The following GHR variants were observed in gnomAD, a reference collection of about 807,000 sequenced individuals.
GHR encodes the protein GH receptor.
Under a neutral mutation model 67.1 loss-of-function variants are expected in GHR, and 35 were observed. The ratio of observed to expected loss-of-function variants is 0.52; its 90% CI spans 0.40 to 0.69. GHR has a LOEUF of 0.69. Ranked by LOEUF, GHR falls within the 30% of genes least tolerant of loss-of-function variation. GHR has a pLI of 0.00. For missense variants in GHR, 792 were observed against 764.6 expected (o/e 1.04, Z -0.42); for synonymous variants, 272 against 269.1 (o/e 1.01, Z -0.10).
At chr5:42,474,700 T>C (rs1341046437) in intron 1 of GHR, among the ~76,000 whole-genome samples, 1 of 152,094 alleles carries the variant, frequency 6.6e-6, no homozygotes, top group Non-Finnish European at 1.5e-5. Flanking sequence ...ATTTTGATAA[T>C]ATGTACTCTA....
intron 2 of GHR, among the ~76,000 whole-genome samples, chr5:42,621,159 G>A (rs1361248330): frequency 6.6e-6 from 1 of 152,046 alleles, no homozygotes; most frequent in East Asian, 1.9e-4. Context: ...GTGGCTAGCT[G>A]GGCAGGATGT....
intron 1 of GHR, chr5:42,548,403 G>A (rs1467199684): frequency 5.1e-6 from 5 of 985,010 alleles, no homozygotes; most frequent in African/African-American, 1.7e-5. Context: ...AACCAAATCA[G>A]TGTGATGTGA....
chr5:42,534,106 G>GTATGTATATATGTATGTATATATGTACA (rs1748104570), intron 1 of GHR, among the ~76,000 whole-genome samples: 1 of 145,856 alleles, frequency 6.9e-6, no homozygotes, highest in African/African-American at 2.5e-5. Context: ...ATATATGTAC[G>GTATGTATATATGTATGTATATATGTACA]TATGTATATA....
intron 6 of GHR, among the ~76,000 whole-genome samples, chr5:42,706,919 G>A (rs1310471569): frequency 3.3e-5 from 5 of 152,022 alleles, no homozygotes. Flanking sequence ...CTAAATCTGT[G>A]AAAAATTACA....
intron 8 of GHR, among the ~76,000 whole-genome samples, chr5:42,716,260 A>G (rs1292416117): frequency 6.6e-6 from 1 of 152,036 alleles, no homozygotes; most frequent in Non-Finnish European, 1.5e-5. Flanking sequence ...TTGAGCCCCA[A>G]CTGTGCCAAC....
chr5:42,514,864 C>T (rs927769176), intron 1 of GHR: 3 of 152,154 alleles, frequency 2.0e-5, no homozygotes, highest in Non-Finnish European at 4.4e-5. Flanking sequence ...ATTTCCCTGG[C>T]AGTTTTTGGC....
intron 1 of GHR, among the ~76,000 whole-genome samples, chr5:42,553,335 C>G (rs1039418999): frequency 2.6e-5 from 4 of 152,132 alleles, no homozygotes; most frequent in African/African-American, 9.7e-5. Context: ...ATTGTTGGAC[C>G]ATGTTCCCCA....
chr5:42,478,240 T>C (rs1383810226), intron 1 of GHR, among the ~76,000 whole-genome samples: 1 of 152,228 alleles, frequency 6.6e-6, no homozygotes, highest in Non-Finnish European at 1.5e-5. Flanking sequence ...TCCATTGGTC[T>C]ATATATCTGT....
intron 1 of GHR, among the ~76,000 whole-genome samples, chr5:42,551,949 G>C (rs989502151): frequency 1.3e-5 from 2 of 152,190 alleles, no homozygotes; most frequent in Non-Finnish European, 2.9e-5. Context: ...TGAATGGTTT[G>C]GTACTGTTTT....
chr5:42,479,531 C>T (rs571687369), intron 1 of GHR, among the ~76,000 whole-genome samples: 274 of 152,092 alleles, frequency 1.8e-3, no homozygotes, highest in Middle Eastern at 3.4e-3. Context: ...TTTTTTGGTT[C>T]GTAAGCTATT....
At position 42,457,820 on chromosome 5, in the gene GHR, A is replaced by C. The variant is rs574717677; in HGVS notation, c.-12+33865A>C. On this transcript the variant is annotated intron_variant, in intron 1 of 9. Coordinates refer to ENST00000230882, the MANE Select transcript of GHR (RefSeq NM_000163.5). ...TTGACTTTATCCTAGCCTATTTCCT[A>C]TTCTTACCCCCTGCAAAGTAAAAAG... 1.5e-4 allele frequency among the ~76,000 whole-genome samples: 23 copies of C among 152,260 alleles called. No individual in the cohort carries two copies. In the South Asian group the frequency reaches 4.8e-3, roughly 32 times the overall value.
At chr5:42,458,023 C>A (rs947243395) in intron 1 of GHR, among the ~76,000 whole-genome samples, 1 of 151,978 alleles carries the variant, frequency 6.6e-6, no homozygotes, top group Non-Finnish European at 1.5e-5. Flanking sequence ...TAGAAGATAC[C>A]CATGTATATC....
At chr5:42,578,560 AG>A (rs1249798708) in intron 2 of GHR, among the ~76,000 whole-genome samples, 2 of 152,220 alleles carry the variant, frequency 1.3e-5, no homozygotes, top group Non-Finnish European at 2.9e-5. Context: ...GGGAACCCCA[AG>A]AAAGAAAAGA....
intron 1 of GHR, among the ~76,000 whole-genome samples, chr5:42,461,670 C>A (rs1050856874): frequency 6.6e-6 from 1 of 152,228 alleles, no homozygotes; most frequent in Non-Finnish European, 1.5e-5. Context: ...AAATGTTTAT[C>A]TTCCTCCCAA....
chr5:42,518,389 T>A (rs1258751653), intron 1 of GHR, among the ~76,000 whole-genome samples: 1 of 152,090 alleles, frequency 6.6e-6, no homozygotes, highest in Non-Finnish European at 1.5e-5. Flanking sequence ...AGCCTTCTTT[T>A]CTCCTTTTGG....
chr5:42,557,607 C>G (rs1460520607), intron 1 of GHR, among the ~76,000 whole-genome samples: 1 of 152,074 alleles, frequency 6.6e-6, no homozygotes, highest in Non-Finnish European at 1.5e-5. Flanking sequence ...GATGAGTAAA[C>G]TGAGGTTTGG....
chr5:42,637,417 A>G (rs1044442943), intron 3 of GHR, among the ~76,000 whole-genome samples: 1 of 152,106 alleles, frequency 6.6e-6, no homozygotes, highest in Non-Finnish European at 1.5e-5. Context: ...GGTATTGAGC[A>G]TATTACTTGA....
intron 2 of GHR, among the ~76,000 whole-genome samples, chr5:42,620,539 G>A (rs1294241943): frequency 6.6e-6 from 1 of 152,158 alleles, no homozygotes; most frequent in Non-Finnish European, 1.5e-5. Flanking sequence ...CAAAAAGAAT[G>A]TAGAGATGGA....
At chr5:42,485,137 G>A (rs1043949024) in intron 1 of GHR, among the ~76,000 whole-genome samples, 5 of 152,080 alleles carry the variant, frequency 3.3e-5, no homozygotes, top group African/African-American at 7.2e-5. Context: ...TTGAAAAATC[G>A]ATCTGAGAGC....
Sources: gnomAD v4.1 joint callset for allele counts (sites outside exome capture counted in the v4.1 genomes callset) on GRCh38, gnomAD v4.1.1 for gene constraint, MANE v1.5 for transcripts, NCBI Gene and HGNC (gene_info 2026-07-23, HGNC 2026-07-21) for gene names.